Variants in SLC24A1 observed in about 807,000 individuals in gnomAD.
SLC24A1 encodes the protein sodium/potassium/calcium exchanger 1.
A neutral mutation model predicts 88.1 loss-of-function variants in SLC24A1; 52 were observed. The ratio of observed to expected loss-of-function variants is 0.59; its 90% CI spans 0.47 to 0.74. The LOEUF (loss-of-function observed/expected upper bound fraction) is 0.74. SLC24A1 is among the 30% of genes least tolerant of loss of function. The probability of loss-of-function intolerance (pLI) is 0.00; values close to 1 mark genes in which losing one functional copy is unlikely to be tolerated. For synonymous variants in SLC24A1, 455 were observed against 498.0 expected (o/e 0.91, Z 1.15); for missense variants, 1,173 against 1,363.3 (o/e 0.86, Z 2.20).
rs1401429711 is a variant in SLC24A1, at chr15:65,624,938, A to G, written c.858A>G (p.Arg286=). ...MEKNNLFPPR[R]VESNSSAHPW... is the part of the protein sequence containing the mutation. Reference sequence around the variant, plus strand: ...AAAACAACCTGTTTCCCCCCAGAAGAGTGGAAAGTAACAGCTCAGCCCATC... The same window carrying G: ...AAAACAACCTGTTTCCCCCCAGAAGGGTGGAAAGTAACAGCTCAGCCCATC... The change falls in exon 2 of 10, where the codon AGA becomes AGG. Residue 286 remains arginine (R), a synonymous_variant. Coordinates refer to ENST00000261892, the MANE Select transcript of SLC24A1 (RefSeq NM_004727.3). 1 of 1,611,816 alleles carries G rather than the reference A, an allele frequency of 6.2e-7. No individual in the cohort carries two copies. The highest frequency in any genetic ancestry group is 8.5e-7 in the Non-Finnish European group (1 of 1,179,120).
rs1167603510 is a variant in SLC24A1 at position 65,650,921 on chromosome 15, A to G, written c.2772A>G (p.Thr924=). 2.5e-6 allele frequency: 4 copies of G among 1,613,852 alleles called. No homozygotes were observed. Among genetic ancestry groups the G allele is most frequent in the African/African-American group, 2.7e-5 (2 of 74,922 alleles). The part of the protein sequence containing the change: ...LLPIVFPLWL[T]VPDVRRQESR... ...CCATCGTGTTCCCACTGTGGCTGACAGTCCCCGACGTCCGAAGGCAGGTGA... is the reference window on the plus strand; with the variant it reads ...CCATCGTGTTCCCACTGTGGCTGACGGTCCCCGACGTCCGAAGGCAGGTGA... Residue 924 remains threonine, a synonymous_variant, in exon 7 of 10, where the codon ACA becomes ACG. Transcript: ENST00000261892. This position sits in a 1 kb window ranked among gnomAD's most constrained non-coding sequence, Gnocchi z 4.1.
chr15:65,647,493 A>G (rs1363423449), intron 6 of SLC24A1, among the ~76,000 whole-genome samples: 2 of 150,368 alleles, frequency 1.3e-5, no homozygotes, highest in South Asian at 2.1e-4. Context: ...AAAAAAAAAA[A>G]AAAAAAGAGA....
chr15:65,624,692 A>C lies in SLC24A1; in HGVS notation c.612A>C (p.Thr204=), dbSNP rs750772375. ...GAGTAGGCACTTACGTGCCGTCCAC[A>C]TTCATGACAATGGAAACAAGCCATG... ...GRRVGTYVPS[T]FMTMETSHAI... The change falls in exon 2 of 10, where the codon ACA becomes ACC. Residue 204 remains threonine (T), a synonymous_variant. Transcript: ENST00000261892. 1.0e-5 allele frequency: 16 copies of C among 1,607,424 alleles called. No individual in the cohort carries two copies. Among genetic ancestry groups the C allele is most frequent in the Non-Finnish European group, 8.5e-6 (10 of 1,176,696 alleles).
chr15:65,630,832 G>T, intron 2 of SLC24A1, among the ~76,000 whole-genome samples: 1 of 152,088 alleles, frequency 6.6e-6, no homozygotes, highest in East Asian at 1.9e-4. Context: ...TTTGCCAGGC[G>T]TGGTGGCACG....
At chr15:65,611,467 G>C in exon 1 of SLC24A1, 1 of 482,588 alleles carries the variant, frequency 2.1e-6, no homozygotes, top group Non-Finnish European at 3.8e-6. Flanking sequence ...ACTGACCCAT[G>C]GGCCTCACCT....
At chr15:65,652,599 GC>G in intron 8 of SLC24A1, 42 bp from the exon 9 acceptor site, 1 of 1,593,780 alleles carries the variant, frequency 6.3e-7, no homozygotes, top group Non-Finnish European at 8.6e-7. Context: ...GCTTGGATGT[GC>G]CTCAGGTTTT....
intron 6 of SLC24A1, 112 bp downstream of exon 6, chr15:65,645,815 T>C: frequency 1.4e-6 from 1 of 692,634 alleles, no homozygotes; most frequent in Non-Finnish European, 2.5e-6. Flanking sequence ...TTCATTCCTC[T>C]GGGGGTAAAT....
At chr15:65,619,828 C>G (rs1350531109), upstream of SLC24A1, among the ~76,000 whole-genome samples, 1 of 152,026 alleles carries the variant, frequency 6.6e-6, no homozygotes, top group Non-Finnish European at 1.5e-5. Flanking sequence ...AGGGTCAGAG[C>G]CAGATCTACC....
Position 65,650,680 on chromosome 15 carries a change from A to G in SLC24A1, c.2531A>G (p.Asp844Gly), listed in dbSNP as rs754029417. ...GAAAATCACGGTGAAGCCAAAAATG[A>G]TGAGAAAGGTGTAGAAGATGGAGGG... ...SAENHGEAKNDEKGVEDGGGS... is the reference protein window; with the variant it reads ...SAENHGEAKNGEKGVEDGGGS... Residue 844 changes from aspartate to glycine, a missense_variant, in exon 7 of 10, where the codon GAT becomes GGT. Coordinates refer to ENST00000261892, the MANE Select transcript of SLC24A1 (RefSeq NM_004727.3). The surrounding 1 kb of genome is among the most constrained non-coding windows in gnomAD (Gnocchi z 4.1). The G allele has an allele frequency of 2.6e-6, 4 of 1,547,148 alleles. No individual in the cohort carries two copies. The Admixed American group carries it at 5.9e-5, about 23-fold the overall frequency.
At chr15:65,651,180 C>A (rs968655507) in intron 7 of SLC24A1, among the ~76,000 whole-genome samples, 20 of 152,158 alleles carry the variant, frequency 1.3e-4, no homozygotes, top group African/African-American at 4.6e-4. Flanking sequence ...CTGCTATAAG[C>A]AGCATACACT....
At chr15:65,620,924 A>G (rs1162255524), upstream of SLC24A1, among the ~76,000 whole-genome samples, 2 of 152,240 alleles carry the variant, frequency 1.3e-5, no homozygotes, top group African/African-American at 4.8e-5. Flanking sequence ...AGGACATGTA[A>G]CTAGCAGACC....
chr15:65,633,341 A>G (rs2074796505), intron 2 of SLC24A1, among the ~76,000 whole-genome samples: 1 of 152,214 alleles, frequency 6.6e-6, no homozygotes, highest in African/African-American at 2.4e-5. Context: ...TATTTCAGGC[A>G]TATCAGGTTA....
At chr15:65,613,140 C>T (rs1842177988) in intron 2 of SLC24A1, among the ~76,000 whole-genome samples, 1 of 152,212 alleles carries the variant, frequency 6.6e-6, no homozygotes, top group Non-Finnish European at 1.5e-5. Context: ...TCAGCATTTG[C>T]GTGTTTCCAC....
downstream of SLC24A1, chr15:65,658,299 T>A (rs116357593): frequency 1.1e-3 from 165 of 152,316 alleles, 1 homozygote; most frequent in African/African-American, 3.9e-3. Flanking sequence ...AGTTTTGAAA[T>A]AAAGCTTAGT....
chr15:65,625,420 T>C lies in SLC24A1; in HGVS notation c.1340T>C (p.Val447Ala), dbSNP rs949114228. 1.2e-6 allele frequency: 2 copies of C among 1,614,012 alleles called. No individual in the cohort carries two copies. Among genetic ancestry groups the C allele is most frequent in the South Asian group, 2.2e-5 (2 of 91,084 alleles). ...GAGTACCCCCCAGATCTGTTCAGTG[T>C]GGAGGAGCGGCGGCAGGGCTGGGTG... Reference protein sequence around the residue: ...KGEYPPDLFSVEERRQGWVVL... With the variant: ...KGEYPPDLFSAEERRQGWVVL... The change falls in exon 2 of 10, where the codon GTG (valine) becomes GCG (alanine). Residue 447 changes from valine to alanine, a missense_variant. Physicochemically the swap from Val to Ala is moderately conservative, Grantham distance 64. Transcript: ENST00000261892.
intron 3 of SLC24A1, among the ~76,000 whole-genome samples, chr15:65,639,197 G>A (rs1451270498): frequency 1.3e-5 from 2 of 152,162 alleles, no homozygotes; most frequent in Admixed American, 6.5e-5. Context: ...ATGATAAAAC[G>A]TGATAATGCT....
At chr15:65,620,013 G>A (rs1430000500), upstream of SLC24A1, among the ~76,000 whole-genome samples, 2 of 151,308 alleles carry the variant, frequency 1.3e-5, no homozygotes, top group Non-Finnish European at 2.9e-5. Flanking sequence ...GTAGCTCAGG[G>A]CCCCCATCTC....
chr15:65,657,121 T>C (rs1430620941), downstream of SLC24A1, among the ~76,000 whole-genome samples: 1 of 152,144 alleles, frequency 6.6e-6, no homozygotes, highest in Non-Finnish European at 1.5e-5. Context: ...TCTGCCCGCC[T>C]CGGCCTCCCA....
rs777443391 is a variant in SLC24A1 at position 65,655,407 on chromosome 15, G to A, written c.*1328G>A. On this transcript the variant is annotated 3_prime_UTR_variant, in exon 10 of 10. Coordinates refer to ENST00000261892, the MANE Select transcript of SLC24A1 (RefSeq NM_004727.3). ...ATGCATAACACAATGACAACATGGT[G>A]AGAAAAGTGCAGTACTACTTCCAAG... is the stretch of plus-strand genomic sequence containing the variant. 1.0e-6 allele frequency: 1 copy of A among 985,320 alleles called. No homozygotes were observed. Among genetic ancestry groups the A allele is most frequent in the Non-Finnish European group, 1.2e-6 (1 of 829,932 alleles). 61.0% of individuals were successfully genotyped at this position (985,320 alleles called of 1,614,324 possible).
Sources: gnomAD v4.1 joint callset for allele counts (sites outside exome capture counted in the v4.1 genomes callset) on GRCh38, gnomAD v4.1.1 for gene constraint, Gnocchi (gnomAD v3.1) non-coding constraint, MANE v1.5 for transcripts, NCBI Gene and HGNC (gene_info 2026-07-23, HGNC 2026-07-21) for gene names.